The following ZSCAN22 variants were observed in gnomAD, a reference collection of about 807,000 sequenced individuals.
The protein encoded by ZSCAN22 is zinc finger and SCAN domain-containing protein 22.
A neutral mutation model predicts 12.4 loss-of-function variants in ZSCAN22; 7 were observed. The observed-to-expected ratio is 0.57, with a 90% CI of 0.32 to 1.06. The LOEUF (loss-of-function observed/expected upper bound fraction) is 1.06. ZSCAN22 is among the 50% of genes least tolerant of loss of function. The pLI is 0.04. For synonymous variants in ZSCAN22, 243 were observed against 255.9 expected, an observed-to-expected ratio of 0.95 and a Z score of 0.48; for missense variants, 576 against 631.7, an observed-to-expected ratio of 0.91 and a Z score of 0.94.
chr19:58,339,342 G>A lies in ZSCAN22; in HGVS notation c.*16G>A. The A allele has an allele frequency of 6.3e-7, 1 of 1,575,958 alleles. No homozygotes were observed. The highest frequency in any genetic ancestry group is 8.6e-7 in the Non-Finnish European group (1 of 1,158,098). On this transcript the variant is annotated 3_prime_UTR_variant, in exon 3 of 3. Coordinates refer to ENST00000329665, the MANE Select transcript of ZSCAN22 (RefSeq NM_181846.3). The surrounding 1 kb of genome is among the most constrained non-coding windows in gnomAD (Gnocchi z 5.6). ...GCTGCAATGACCGGAAGTCGCCCCT[G>A]GGGGCGTAGCACAGCGTCTTCTCGG...
intron 1 of ZSCAN22, among the ~76,000 whole-genome samples, chr19:58,328,706 T>A (rs970907370): frequency 9.2e-5 from 14 of 152,174 alleles, no homozygotes; most frequent in African/African-American, 3.4e-4. Context: ...GAGACCGTCA[T>A]GAGGGATTTC....
Position 58,342,071 on chromosome 19 carries a change from A to G in ZSCAN22, c.*2745A>G, listed in dbSNP as rs2051882657. The G allele has an allele frequency of 6.6e-6, 1 of 152,234 alleles. No individual in the cohort carries two copies. Among genetic ancestry groups the G allele is most frequent in the Admixed American group, 6.5e-5 (1 of 15,278 alleles). 9.4% of individuals were successfully genotyped at this position (152,234 alleles called of 1,614,324 possible). On this transcript the variant is annotated 3_prime_UTR_variant, in exon 3 of 3. Transcript: ENST00000329665. ...TCTTCACCCATTTGGTCGTTGAGACATATCTGTCCATGTCTGTCTAAAAGG... is the reference window on the plus strand; with the variant it reads ...TCTTCACCCATTTGGTCGTTGAGACGTATCTGTCCATGTCTGTCTAAAAGG...
intron 1 of ZSCAN22, among the ~76,000 whole-genome samples, chr19:58,332,658 G>A (rs555979942): frequency 5.3e-5 from 8 of 152,270 alleles, no homozygotes; most frequent in Non-Finnish European, 1.2e-4. Flanking sequence ...TCTGTTTATG[G>A]TGAATAGTGT....
chr19:58,333,527 A>G (rs1212554759), intron 1 of ZSCAN22, among the ~76,000 whole-genome samples: 2 of 152,236 alleles, frequency 1.3e-5, no homozygotes, highest in African/African-American at 4.8e-5. Context: ...TTGTTTGGCA[A>G]TGAAGCAGGA....
rs2051848863 is a variant in ZSCAN22, at chr19:58,339,732, T to A, written c.*406T>A. The A allele has an allele frequency of 1.1e-5, 2 of 175,148 alleles. No individual in the cohort carries two copies. The highest frequency in any genetic ancestry group is 1.6e-4 in the East Asian group (1 of 6,318). The allele number at this position is 175,148 out of a possible 1,614,324, so 10.8% of individuals were successfully genotyped here. Reference sequence around the variant, plus strand: ...TTGTTCTCATGTGGTTCTTCTTGCCTGCTTTTCTGCTGCTTAGCCCAGAAC... The same window carrying A: ...TTGTTCTCATGTGGTTCTTCTTGCCAGCTTTTCTGCTGCTTAGCCCAGAAC... On this transcript the variant is annotated 3_prime_UTR_variant, in exon 3 of 3. Transcript: ENST00000329665. This position sits in a 1 kb window ranked among gnomAD's most constrained non-coding sequence, Gnocchi z 5.6.
Position 58,339,381 on chromosome 19 carries a change from A to G in ZSCAN22, c.*55A>G. Reference sequence around the variant, plus strand: ...GCGTCTTCTCGGAGGCTCGAGGTCTAAGAGAAACGCTGAGTTCCTGAAGAG... The same window carrying G: ...GCGTCTTCTCGGAGGCTCGAGGTCTGAGAGAAACGCTGAGTTCCTGAAGAG... On this transcript the variant is annotated 3_prime_UTR_variant, in exon 3 of 3. Transcript: ENST00000329665. The surrounding 1 kb of genome is among the most constrained non-coding windows in gnomAD (Gnocchi z 5.6). 3 of 1,476,014 alleles carry G rather than the reference A, an allele frequency of 2.0e-6. No homozygotes were observed. The highest frequency in any genetic ancestry group is 2.7e-6 in the Non-Finnish European group (3 of 1,099,066). The allele number at this position is 1,476,014 out of a possible 1,614,324, so 91.4% of individuals were successfully genotyped here. A position where few individuals can be genotyped will look rare whatever the true frequency, so the allele number is the denominator to read the frequency against.
chr19:58,328,568 T>C (rs1254640335), intron 1 of ZSCAN22, among the ~76,000 whole-genome samples: 1 of 152,216 alleles, frequency 6.6e-6, no homozygotes, highest in African/African-American at 2.4e-5. Context: ...CTTGGTATAA[T>C]CCATGTGTGA....
rs1043471722 is a variant in ZSCAN22, at chr19:58,329,622, T to C, written c.-52+2508T>C. On this transcript the variant is annotated intron_variant, in intron 1 of 2. Coordinates refer to ENST00000329665, the MANE Select transcript of ZSCAN22 (RefSeq NM_181846.3). This position sits in a 1 kb window ranked among gnomAD's most constrained non-coding sequence, Gnocchi z 4.1. ...CCCTCATCTTCAGTTTTGGTGAATA[T>C]AGTACAATAAAATATTTTGAGAGAG... Among the ~76,000 whole-genome samples the C allele has an allele frequency of 6.6e-6, 1 of 152,186 alleles. No homozygotes were observed. Among genetic ancestry groups the C allele is most frequent in the African/African-American group, 2.4e-5 (1 of 41,438 alleles).
chr19:58,335,201 G>A lies in ZSCAN22; in HGVS notation c.399G>A (p.Lys133=), dbSNP rs377682416. The A allele has an allele frequency of 1.3e-4, 200 of 1,592,556 alleles. No individual in the cohort carries two copies. The highest frequency in any genetic ancestry group is 1.5e-4 in the Non-Finnish European group (179 of 1,168,424). ...AGGATCTGACTCAGGTGCTGGACAAGAGAGGTAAAGGGGCGCCGTGGGCAG... is the reference window on the plus strand; with the variant it reads ...AGGATCTGACTCAGGTGCTGGACAAAAGAGGTAAAGGGGCGCCGTGGGCAG... ...LVEDLTQVLD[K]RGWDPGAEPT... The change falls in exon 2 of 3, where the codon AAG becomes AAA. Residue 133 remains lysine, a synonymous_variant. Coordinates refer to ENST00000329665, the MANE Select transcript of ZSCAN22 (RefSeq NM_181846.3). This position sits in a 1 kb window ranked among gnomAD's most constrained non-coding sequence, Gnocchi z 4.1.
At position 58,338,412 on chromosome 19, in the gene ZSCAN22, G is replaced by A; in HGVS notation, c.562G>A (p.Gly188Arg). 1.2e-6 allele frequency: 2 copies of A among 1,614,164 alleles called. No individual in the cohort carries two copies. The highest frequency in any genetic ancestry group is 1.7e-5 in the Admixed American group (1 of 60,028). ...CEPEGSSERS[G>R]LSGEIWTKSV... ...ACCTGAGGGCAGCTCAGAGAGGTCTGGACTATCAGGGGAGATCTGGACAAA... is the reference window on the plus strand; with the variant it reads ...ACCTGAGGGCAGCTCAGAGAGGTCTAGACTATCAGGGGAGATCTGGACAAA... Residue 188 changes from glycine (G) to arginine (R), a missense_variant, in exon 3 of 3, where the codon GGA becomes AGA. Transcript: ENST00000329665. The surrounding 1 kb of genome is among the most constrained non-coding windows in gnomAD (Gnocchi z 5.4).
chr19:58,339,336 GC>G lies in ZSCAN22; in HGVS notation c.*14del. On this transcript the variant is annotated 3_prime_UTR_variant, in exon 3 of 3. Transcript: ENST00000329665. This position sits in a 1 kb window ranked among gnomAD's most constrained non-coding sequence, Gnocchi z 5.6. ...CACGGTGCTGCAATGACCGGAAGTC[GC>G]CCCTGGGGGCGTAGCACAGCGTCTT... The G allele has an allele frequency of 6.3e-7, 1 of 1,579,200 alleles. No homozygotes were observed. Among genetic ancestry groups the G allele is most frequent in the Non-Finnish European group, 8.6e-7 (1 of 1,160,150 alleles).
At position 58,338,736 on chromosome 19, in the gene ZSCAN22, T is replaced by C; in HGVS notation, c.886T>C (p.Tyr296His). Residue 296 changes from tyrosine to histidine, a missense_variant, in exon 3 of 3, where the codon TAT becomes CAT. Tyr to His is a moderately conservative substitution (Grantham distance 83, BLOSUM62 2). Coordinates refer to ENST00000329665, the MANE Select transcript of ZSCAN22 (RefSeq NM_181846.3). This position sits in a 1 kb window ranked among gnomAD's most constrained non-coding sequence, Gnocchi z 5.4. The part of the protein sequence containing the change: ...HQKTHSRKTP[Y>H]ACSECGKAFS... ...GAAGACCCATTCTCGGAAGACCCCA[T>C]ATGCCTGCAGCGAGTGTGGGAAAGC... 1.2e-6 allele frequency: 2 copies of C among 1,614,156 alleles called. No individual in the cohort carries two copies. Among genetic ancestry groups the C allele is most frequent in the Non-Finnish European group, 1.7e-6 (2 of 1,180,022 alleles).
chr19:58,332,129 C>T (rs1052464668), intron 1 of ZSCAN22, among the ~76,000 whole-genome samples: 8 of 151,956 alleles, frequency 5.3e-5, no homozygotes, highest in Non-Finnish European at 1.2e-4. Context: ...CCTCGGTCTC[C>T]CAGAGTGCTG....
At chr19:58,328,822 A>C (rs1600482521) in intron 1 of ZSCAN22, among the ~76,000 whole-genome samples, 1 of 152,108 alleles carries the variant, frequency 6.6e-6, no homozygotes, top group East Asian at 1.9e-4. Context: ...GATTCCCTAC[A>C]TTCTTGGGTA....
chr19:58,333,862 T>A (rs1159104668), intron 1 of ZSCAN22, among the ~76,000 whole-genome samples: 1 of 152,072 alleles, frequency 6.6e-6, no homozygotes, highest in African/African-American at 2.4e-5. Context: ...AAATAAATTT[T>A]AAAAAATAAT....
intron 2 of ZSCAN22, among the ~76,000 whole-genome samples, chr19:58,337,065 A>G (rs1413072274): frequency 6.6e-6 from 1 of 152,152 alleles, no homozygotes; most frequent in African/African-American, 2.4e-5. Flanking sequence ...CCTCTACCTC[A>G]TGCACACTCT....
chr19:58,331,518 G>GTTATTATTATTATTA (rs74179462), intron 1 of ZSCAN22, among the ~76,000 whole-genome samples: 18 of 119,452 alleles, frequency 1.5e-4, no homozygotes, highest in Admixed American at 2.8e-4. Context: ...TCCAGCTGAC[G>GTTATTATTATTATTA]TTATTATTAT....
rs1461162633 is a variant in ZSCAN22, at chr19:58,329,647, G to C, written c.-52+2533G>C. Among the ~76,000 whole-genome samples the C allele has an allele frequency of 6.6e-6, 1 of 152,130 alleles. No individual in the cohort carries two copies. Among genetic ancestry groups the C allele is most frequent in the South Asian group, 2.1e-4 (1 of 4,834 alleles). On this transcript the variant is annotated intron_variant, in intron 1 of 2. Transcript: ENST00000329665. The surrounding 1 kb of genome is among the most constrained non-coding windows in gnomAD (Gnocchi z 4.1). ...TAGTACAATAAAATATTTTGAGAGA[G>C]AGAGAAAGACCACATTAATATAGCT...
chr19:58,340,007 T>G lies in ZSCAN22; in HGVS notation c.*681T>G, dbSNP rs1450107469. The G allele has an allele frequency of 6.5e-6, 1 of 152,672 alleles. No individual in the cohort carries two copies. The highest frequency in any genetic ancestry group is 1.5e-5 in the Non-Finnish European group (1 of 68,164). The allele number at this position is 152,672 out of a possible 1,614,324, so 9.5% of individuals were successfully genotyped here. A position where few individuals can be genotyped will look rare whatever the true frequency, so the allele number is the denominator to read the frequency against. On this transcript the variant is annotated 3_prime_UTR_variant, in exon 3 of 3. Coordinates refer to ENST00000329665, the MANE Select transcript of ZSCAN22 (RefSeq NM_181846.3). Reference sequence around the variant, plus strand: ...CTATTGTTTTAACCTAAAGCTTATCTGTAATTCACCTCCTTTTCCACCACT... The same window carrying G: ...CTATTGTTTTAACCTAAAGCTTATCGGTAATTCACCTCCTTTTCCACCACT...
Sources: allele counts gnomAD v4.1 joint callset (sites outside exome capture counted in the v4.1 genomes callset), GRCh38; gene constraint gnomAD v4.1.1; non-coding constraint Gnocchi (gnomAD v3.1); transcripts MANE v1.5; gene names NCBI Gene and HGNC (gene_info 2026-07-23, HGNC 2026-07-21).